Variants in ANKRD29 observed in about 807,000 individuals in gnomAD.
ANKRD29 encodes ankyrin repeat domain-containing protein 29.
In ANKRD29, 32 loss-of-function variants were observed where a neutral mutation model predicts 38.0. That is an observed-to-expected ratio of 0.84 (90% CI 0.64 to 1.13). The LOEUF is 1.13. ANKRD29 is among the 50% of genes most tolerant of loss of function. The probability of loss-of-function intolerance (pLI) is 0.00; values close to 1 mark genes in which losing one functional copy is unlikely to be tolerated. For missense variants in ANKRD29, 357 were observed against 377.9 expected (o/e 0.94, Z 0.46); for synonymous variants, 135 against 152.4 (o/e 0.89, Z 0.84).
At chr18:23,649,713 C>T (rs1023243642) in intron 1 of ANKRD29, among the ~76,000 whole-genome samples, 1 of 152,064 alleles carries the variant, frequency 6.6e-6, no homozygotes, top group Non-Finnish European at 1.5e-5. Context: ...TTTTCCTCCA[C>T]CTAATTTTCT....
chr18:23,615,337 A>C (rs933543620), intron 8 of ANKRD29, among the ~76,000 whole-genome samples: 3 of 152,062 alleles, frequency 2.0e-5, no homozygotes. Context: ...GATTTTAAAA[A>C]GATTAAAAGA....
chr18:23,631,920 G>A lies in ANKRD29; in HGVS notation c.430-1969C>T, dbSNP rs556210705. On this transcript the variant is annotated intron_variant, in intron 5 of 9. Coordinates refer to ENST00000592179, the MANE Select transcript of ANKRD29 (RefSeq NM_173505.4). The stretch of plus-strand genomic sequence containing the variant: ...GTGAGCTTCATTGTTTTCAGACCAC[G>A]GTGGAAAACCAGAGCACACCCTAGA... 7.2e-5 allele frequency among the ~76,000 whole-genome samples: 11 copies of A among 152,228 alleles called. No homozygotes were observed. In the South Asian group the frequency reaches 1.7e-3, roughly 23 times the overall value.
chr18:23,662,633 T>TCCCACCCCAC (rs1487054346), intron 1 of ANKRD29, 77 bp downstream of exon 1: 13 of 44,438 alleles, frequency 2.9e-4, no homozygotes, highest in Non-Finnish European at 3.7e-4. Context: ...TCCCACCCCA[T>TCCCACCCCAC]CCCACCCCAC....
chr18:23,602,464 A>T (rs964376298), intron 9 of ANKRD29, among the ~76,000 whole-genome samples: 6 of 152,098 alleles, frequency 3.9e-5, no homozygotes, highest in Non-Finnish European at 5.9e-5. Context: ...TTCTTTTCAC[A>T]TTGCTGCTGA....
chr18:23,622,853 C>G (rs2059813490), intron 6 of ANKRD29, among the ~76,000 whole-genome samples: 1 of 152,198 alleles, frequency 6.6e-6, no homozygotes, highest in Non-Finnish European at 1.5e-5. Context: ...AAGCATGAGC[C>G]ACTGTGCCTG....
rs1263271829 is a variant in ANKRD29, at chr18:23,654,765, TG to T, written c.22-5573del. Among the ~76,000 whole-genome samples, 21 of 152,284 alleles carry T rather than the reference TG, an allele frequency of 1.4e-4. 1 individual carries two copies. Among genetic ancestry groups the T allele is most frequent in the Admixed American group, 1.2e-3 (19 of 15,282 alleles). On this transcript the variant is annotated intron_variant, in intron 1 of 9. Transcript: ENST00000592179. ...TCCCTACTTGCCCCCTTCCATTTAC[TG>T]TCAGAATTTTGGCTAATACACTGCT...
chr18:23,646,604 A>C (rs186417745), intron 2 of ANKRD29: 1 of 201,302 alleles, frequency 5.0e-6, no homozygotes, highest in African/African-American at 2.3e-5. Flanking sequence ...TATGATTCCT[A>C]TTAAATGATT....
At chr18:23,608,662 C>A (rs560973733) in intron 9 of ANKRD29, among the ~76,000 whole-genome samples, 2 of 152,272 alleles carry the variant, frequency 1.3e-5, no homozygotes, top group East Asian at 3.9e-4. Context: ...TGCTTCTAAC[C>A]TTTAAGCTGT....
At chr18:23,608,462 G>T (rs1446642482) in intron 9 of ANKRD29, among the ~76,000 whole-genome samples, 4 of 152,174 alleles carry the variant, frequency 2.6e-5, no homozygotes, top group Non-Finnish European at 4.4e-5. Flanking sequence ...CTAGCATTCT[G>T]CCCACTGGAA....
Position 23,600,903 on chromosome 18 carries a change from TC to T in ANKRD29, c.*322del, listed in dbSNP as rs1262179909. ...TCCTTGCTTAGTACTGAGAACCCTG[TC>T]CACCTTAGAGTTTAACTGACAGGTC... is the stretch of plus-strand genomic sequence containing the variant. On this transcript the variant is annotated 3_prime_UTR_variant, in exon 10 of 10. Coordinates refer to ENST00000592179, the MANE Select transcript of ANKRD29 (RefSeq NM_173505.4). 3 of 204,902 alleles carry T rather than the reference TC, an allele frequency of 1.5e-5. No homozygotes were observed. The East Asian group carries it at 3.3e-4, about 23-fold the overall frequency. The allele number at this position is 204,902 out of a possible 1,614,324, so 12.7% of individuals were successfully genotyped here.
chr18:23,620,978 C>T (rs2059790235), intron 6 of ANKRD29, among the ~76,000 whole-genome samples: 2 of 152,164 alleles, frequency 1.3e-5, no homozygotes, highest in African/African-American at 4.8e-5. Context: ...AGACCAGCTG[C>T]AACCCTGGGG....
Position 23,649,198 on chromosome 18 carries a change from A to G in ANKRD29, c.22-5T>C. The G allele has an allele frequency of 1.2e-6, 2 of 1,609,934 alleles. No individual in the cohort carries two copies. The highest frequency in any genetic ancestry group is 1.3e-5 in the African/African-American group (1 of 74,896). Reference sequence around the variant, plus strand: ...ATTGGCAAGTGGAGTTTCCTTCTGCAAGAACAAAATGAAACAGGATCTTAA... The same window carrying G: ...ATTGGCAAGTGGAGTTTCCTTCTGCGAGAACAAAATGAAACAGGATCTTAA... On this transcript the variant is annotated splice_polypyrimidine_tract_variant and splice_region_variant and intron_variant, in intron 1 of 9. Coordinates refer to ENST00000592179, the MANE Select transcript of ANKRD29 (RefSeq NM_173505.4).
chr18:23,617,312 T>A (rs570011314), intron 8 of ANKRD29, among the ~76,000 whole-genome samples: 1 of 152,284 alleles, frequency 6.6e-6, no homozygotes, highest in Non-Finnish European at 1.5e-5. Context: ...ACTGACATAT[T>A]TTCTGAGGCT....
At chr18:23,634,845 C>G (rs965273774) in intron 4 of ANKRD29, among the ~76,000 whole-genome samples, 1 of 152,212 alleles carries the variant, frequency 6.6e-6, no homozygotes, top group African/African-American at 2.4e-5. Flanking sequence ...CCCAGGGCTT[C>G]TAGCCAGAGA....
At chr18:23,637,087 A>G (rs1366616170) in intron 4 of ANKRD29, among the ~76,000 whole-genome samples, 1 of 152,212 alleles carries the variant, frequency 6.6e-6, no homozygotes, top group Non-Finnish European at 1.5e-5. Flanking sequence ...AGATAGTACA[A>G]ACTGGCTCAT....
chr18:23,649,714 C>T (rs1029185944), intron 1 of ANKRD29, among the ~76,000 whole-genome samples: 5 of 152,056 alleles, frequency 3.3e-5, no homozygotes, highest in Non-Finnish European at 7.4e-5. Context: ...TTTCCTCCAC[C>T]TAATTTTCTT....
intron 1 of ANKRD29, among the ~76,000 whole-genome samples, chr18:23,652,792 A>C (rs532114683): frequency 1.3e-5 from 2 of 152,204 alleles, no homozygotes; most frequent in Non-Finnish European, 2.9e-5. Flanking sequence ...TTCCAACCTT[A>C]TAAGTAACAG....
At chr18:23,605,013 C>T (rs751195361) in intron 9 of ANKRD29, among the ~76,000 whole-genome samples, 8 of 152,074 alleles carry the variant, frequency 5.3e-5, no homozygotes, top group Non-Finnish European at 7.4e-5. Context: ...CTCTGTCTCC[C>T]GGGTTCAAGT....
At chr18:23,612,294 C>T in intron 8 of ANKRD29, 104 bp from the exon 9 acceptor site, 1 of 989,806 alleles carries the variant, frequency 1.0e-6, no homozygotes, top group Non-Finnish European at 1.5e-6. Flanking sequence ...TAACCTCATA[C>T]CCGTAACCTT....
Sources: gnomAD v4.1 joint callset for allele counts (sites outside exome capture counted in the v4.1 genomes callset) on GRCh38, gnomAD v4.1.1 for gene constraint, MANE v1.5 for transcripts, NCBI Gene and HGNC (gene_info 2026-07-23, HGNC 2026-07-21) for gene names.